The following CAV1 variants were observed in gnomAD, a reference collection of about 807,000 sequenced individuals.
The protein encoded by CAV1 is caveolin 1.
Under a neutral mutation model 16.5 loss-of-function variants are expected in CAV1, and 10 were observed. That is an observed-to-expected ratio of 0.61 (90% CI 0.37 to 1.03). The LOEUF (loss-of-function observed/expected upper bound fraction) is 1.03, where lower values mean the gene tolerates loss of function less well. Among genes scored for constraint, CAV1 ranks in the 50% least tolerant of loss-of-function variants. The pLI, the probability that CAV1 is intolerant of heterozygous loss-of-function variation, is 0.01. For synonymous variants in CAV1, 76 were observed against 85.1 expected (o/e 0.89, Z 0.59); for missense variants, 212 against 232.8 (o/e 0.91, Z 0.58).
rs192055832 is a variant in CAV1 at position 116,542,680 on chromosome 7, A to G, written c.195+15991A>G. On this transcript the variant is annotated intron_variant, in intron 2 of 2. Coordinates refer to ENST00000341049, the MANE Select transcript of CAV1 (RefSeq NM_001753.5). ...CAACTACATGAGATATACTTTGTAC[A>G]TAGCACAAATCTCATATCACTTATG... 5.3e-5 allele frequency: 8 copies of G among 152,320 alleles called. No individual in the cohort carries two copies. In the East Asian group the frequency reaches 1.5e-3, roughly 29 times the overall value. The allele number at this position is 152,320 out of a possible 1,614,324, so 9.4% of individuals were successfully genotyped here.
rs769140669 is a variant in CAV1, at chr7:116,559,008, G to A, written c.258G>A (p.Lys86=). 63 of 1,613,874 alleles carry A rather than the reference G, an allele frequency of 3.9e-5. No homozygotes were observed. Among genetic ancestry groups the A allele is most frequent in the Non-Finnish European group, 5.0e-5 (59 of 1,179,916 alleles). The change falls in exon 3 of 3, where the codon AAG becomes AAA. Residue 86 remains lysine (K), a synonymous_variant. Transcript: ENST00000341049. Reference sequence around the variant, plus strand: ...CACACAGTTTTGACGGCATTTGGAAGGCCAGCTTCACCACCTTCACTGTGA... The same window carrying A: ...CACACAGTTTTGACGGCATTTGGAAAGCCAGCTTCACCACCTTCACTGTGA... ...EGTHSFDGIW[K]ASFTTFTVTK...
chr7:116,545,100 A>C (rs1257563230), intron 2 of CAV1, among the ~76,000 whole-genome samples: 1 of 152,260 alleles, frequency 6.6e-6, no homozygotes, highest in Non-Finnish European at 1.5e-5. Flanking sequence ...GTCTTATTAC[A>C]TTGTATTCCG....
At position 116,537,200 on chromosome 7, in the gene CAV1, A is replaced by T. The variant is rs117928161; in HGVS notation, c.195+10511A>T. ...AGATTTAAATAACTTCTGAGGGTGT[A>T]CATATGTGCTTAATATTCTGTCTCA... is the stretch of plus-strand genomic sequence containing the variant. On this transcript the variant is annotated intron_variant, in intron 2 of 2. Coordinates refer to ENST00000341049, the MANE Select transcript of CAV1 (RefSeq NM_001753.5). 3.3e-5 allele frequency among the ~76,000 whole-genome samples: 5 copies of T among 152,314 alleles called. No individual in the cohort carries two copies. The East Asian group carries it at 9.6e-4, about 29-fold the overall frequency.
chr7:116,527,236 C>T (rs1793583814), intron 2 of CAV1, among the ~76,000 whole-genome samples: 1 of 152,214 alleles, frequency 6.6e-6, no homozygotes, highest in African/African-American at 2.4e-5. Flanking sequence ...AAAGAAAATA[C>T]GTACTTATTC....
chr7:116,536,886 C>T (rs927306317), intron 2 of CAV1, among the ~76,000 whole-genome samples: 3 of 151,392 alleles, frequency 2.0e-5, no homozygotes, highest in African/African-American at 7.3e-5. Flanking sequence ...GCCTGTAGTC[C>T]CAGCTACTCG....
intron 2 of CAV1, among the ~76,000 whole-genome samples, chr7:116,557,647 T>A (rs1360465009): frequency 6.6e-6 from 1 of 152,162 alleles, no homozygotes; most frequent in Non-Finnish European, 1.5e-5. Context: ...TTCCAGCTCC[T>A]TTCATCCCCA....
At chr7:116,557,157 A>G (rs1193110669) in intron 2 of CAV1, among the ~76,000 whole-genome samples, 1 of 152,228 alleles carries the variant, frequency 6.6e-6, no homozygotes, top group Non-Finnish European at 1.5e-5. Flanking sequence ...GTGACAATAC[A>G]TCTACTTAAG....
In CAV1 at chr7:116,526,629, C is replaced by A; in HGVS notation, c.135C>A (p.His45Gln). 6.2e-7 allele frequency: 1 copy of A among 1,614,162 alleles called. No individual in the cohort carries two copies. The highest frequency in any genetic ancestry group is 8.5e-7 in the Non-Finnish European group (1 of 1,180,028). ...ELSEKQVYDA[H>Q]TKEIDLVNRD... ...GCGAGAAGCAAGTGTACGACGCGCACACCAAGGAGATCGACCTGGTCAACC... is the reference window on the plus strand; with the variant it reads ...GCGAGAAGCAAGTGTACGACGCGCAAACCAAGGAGATCGACCTGGTCAACC... Residue 45 changes from histidine (H) to glutamine (Q), a missense_variant, in exon 2 of 3, where the codon CAC becomes CAA. Transcript: ENST00000341049.
At chr7:116,526,823 G>C (rs1183857480) in intron 2 of CAV1, 134 bp downstream of exon 2, 8 of 996,642 alleles carry the variant, frequency 8.0e-6, no homozygotes, top group East Asian at 2.6e-5. Flanking sequence ...CACACACACA[G>C]AGTTTTGTGG....
intron 2 of CAV1, among the ~76,000 whole-genome samples, chr7:116,539,579 C>T (rs1793895746): frequency 6.6e-6 from 1 of 152,072 alleles, no homozygotes; most frequent in African/African-American, 2.4e-5. Flanking sequence ...TAAATAAATT[C>T]AAAAACATTT....
intron 2 of CAV1, among the ~76,000 whole-genome samples, chr7:116,547,995 CA>C (rs1294940516): frequency 2.0e-5 from 3 of 152,176 alleles, no homozygotes; most frequent in Admixed American, 6.5e-5. Context: ...ACATGCTCTT[CA>C]AAGGCAACAC....
chr7:116,548,729 G>A (rs1794101520), intron 2 of CAV1, among the ~76,000 whole-genome samples: 1 of 152,162 alleles, frequency 6.6e-6, no homozygotes, highest in South Asian at 2.1e-4. Context: ...GCAAAATCCT[G>A]TGTTTGGTTC....
intron 1 of CAV1, 74 bp from the exon 2 acceptor site, chr7:116,526,451 T>C: frequency 6.2e-7 from 1 of 1,607,560 alleles, no homozygotes; most frequent in Non-Finnish European, 8.5e-7. Flanking sequence ...TCGCTTGTTT[T>C]TCTTTTTGCA....
At chr7:116,545,423 G>T (rs540682737) in intron 2 of CAV1, among the ~76,000 whole-genome samples, 2 of 152,188 alleles carry the variant, frequency 1.3e-5, no homozygotes, top group Non-Finnish European at 2.9e-5. Context: ...TGTATAATGG[G>T]CTGTAATTAT....
At chr7:116,556,979 T>C (rs1183797469) in intron 2 of CAV1, among the ~76,000 whole-genome samples, 1 of 152,226 alleles carries the variant, frequency 6.6e-6, no homozygotes, top group Non-Finnish European at 1.5e-5. Flanking sequence ...TTATTTTTGA[T>C]AGTTTTGGGA....
intron 2 of CAV1, among the ~76,000 whole-genome samples, chr7:116,538,077 G>A (rs1231054193): frequency 6.6e-6 from 1 of 152,190 alleles, no homozygotes; most frequent in African/African-American, 2.4e-5. Flanking sequence ...AAAGGAAGCA[G>A]GTCCTGACAG....
intron 2 of CAV1, among the ~76,000 whole-genome samples, chr7:116,537,650 G>A (rs928262657): frequency 2.0e-5 from 3 of 152,166 alleles, no homozygotes; most frequent in Non-Finnish European, 4.4e-5. Context: ...CATTGGTGTG[G>A]CCACAATATG....
intron 2 of CAV1, among the ~76,000 whole-genome samples, chr7:116,528,635 G>T (rs1444313147): frequency 6.6e-6 from 1 of 152,028 alleles, no homozygotes; most frequent in African/African-American, 2.4e-5. Flanking sequence ...CCCAAAGAGT[G>T]CCTGGCCGAT....
chr7:116,529,455 A>G (rs1320764579), intron 2 of CAV1, among the ~76,000 whole-genome samples: 1 of 152,228 alleles, frequency 6.6e-6, no homozygotes, highest in African/African-American at 2.4e-5. Context: ...TGCAACAGGT[A>G]AAGCTAGTGG....
Sources: allele counts gnomAD v4.1 joint callset (sites outside exome capture counted in the v4.1 genomes callset), GRCh38; gene constraint gnomAD v4.1.1; transcripts MANE v1.5; gene names NCBI Gene and HGNC (gene_info 2026-07-23, HGNC 2026-07-21).